Variants in SH3BGRL2 observed in about 807,000 individuals in gnomAD.
SH3BGRL2 encodes SH3 domain-binding glutamic acid-rich-like protein 2.
In SH3BGRL2, 21 loss-of-function variants were observed where a neutral mutation model predicts 14.8. The ratio of observed to expected loss-of-function variants is 1.42; its 90% confidence interval spans 1.01 to 2.05. The LOEUF (loss-of-function observed/expected upper bound fraction) is 2.05, where lower values mean the gene tolerates loss of function less well. Ranked by LOEUF, SH3BGRL2 falls within the 30% of genes most tolerant of loss-of-function variation. The pLI, the probability that SH3BGRL2 is intolerant of heterozygous loss-of-function variation, is 0.00. For missense variants in SH3BGRL2, 147 were observed against 130.8 expected (o/e 1.12, Z -0.61); for synonymous variants, 50 against 47.8 (o/e 1.05, Z -0.19).
chr6:79,606,499 C>A, the SH3BGRL2 span, among the ~76,000 whole-genome samples: 1 of 152,170 alleles, frequency 6.6e-6, no homozygotes, highest in South Asian at 2.1e-4. Flanking sequence ...ACACAGGTAC[C>A]TCACAGAAAA....
the SH3BGRL2 span, among the ~76,000 whole-genome samples, chr6:79,621,626 T>C: frequency 6.6e-6 from 1 of 152,200 alleles, no homozygotes; most frequent in Non-Finnish European, 1.5e-5. Context: ...ACCAAGCAAA[T>C]GATTGTGGCA....
At chr6:79,568,980 G>C in the SH3BGRL2 span, among the ~76,000 whole-genome samples, 2 of 152,176 alleles carry the variant, frequency 1.3e-5, no homozygotes, top group African/African-American at 4.8e-5. Flanking sequence ...CCAAATATGA[G>C]TAAGCATGGC....
chr6:79,555,731 A>G, the SH3BGRL2 span, among the ~76,000 whole-genome samples: 1 of 152,070 alleles, frequency 6.6e-6, no homozygotes, highest in Non-Finnish European at 1.5e-5. Context: ...GATGGTCTCG[A>G]TCTCCTGACC....
At chr6:79,567,156 C>G in the SH3BGRL2 span, among the ~76,000 whole-genome samples, 1 of 152,100 alleles carries the variant, frequency 6.6e-6, no homozygotes. Context: ...ATTCCTTAAT[C>G]TCTCCACACT....
chr6:79,681,016 G>A (rs905646124), intron 2 of SH3BGRL2, among the ~76,000 whole-genome samples: 6 of 151,984 alleles, frequency 3.9e-5, no homozygotes, highest in African/African-American at 1.5e-4. Flanking sequence ...TTGACTAGGG[G>A]CACATTAAAT....
upstream of SH3BGRL2, among the ~76,000 whole-genome samples, chr6:79,627,034 C>A (rs138115898): frequency 3.0e-4 from 45 of 152,244 alleles, no homozygotes; most frequent in Middle Eastern, 0.017. Flanking sequence ...CAGCTGTCAG[C>A]CTCCTTGTTA....
At chr6:79,674,513 T>C (rs1389525864) in intron 2 of SH3BGRL2, among the ~76,000 whole-genome samples, 2 of 152,210 alleles carry the variant, frequency 1.3e-5, no homozygotes, top group Non-Finnish European at 2.9e-5. Context: ...TCTCTAAGTA[T>C]CTAAGTCAGT....
At chr6:79,635,196 A>T (rs1034059111) in intron 1 of SH3BGRL2, among the ~76,000 whole-genome samples, 1 of 152,208 alleles carries the variant, frequency 6.6e-6, no homozygotes, top group Non-Finnish European at 1.5e-5. Context: ...ATTTCTCAAA[A>T]TGTAAATAAA....
the SH3BGRL2 span, among the ~76,000 whole-genome samples, chr6:79,547,896 C>T: frequency 4.3e-3 from 662 of 152,256 alleles, 9 homozygotes; most frequent in African/African-American, 0.015. Flanking sequence ...GACAGAGTCT[C>T]ACCCTGTTGC....
chr6:79,564,878 G>C, the SH3BGRL2 span, among the ~76,000 whole-genome samples: 15 of 152,196 alleles, frequency 9.9e-5, no homozygotes, highest in African/African-American at 3.6e-4. Context: ...TACATCTCCT[G>C]CTGCTTCTGG....
intron 2 of SH3BGRL2, among the ~76,000 whole-genome samples, chr6:79,693,153 CTGTT>C (rs1485238480): frequency 6.6e-6 from 1 of 152,100 alleles, no homozygotes; most frequent in Non-Finnish European, 1.5e-5. Flanking sequence ...ATTTGGCTCT[CTGTT>C]TGTCTATTAT....
At chr6:79,568,130 G>A in the SH3BGRL2 span, among the ~76,000 whole-genome samples, 5 of 152,228 alleles carry the variant, frequency 3.3e-5, no homozygotes, top group African/African-American at 4.8e-5. Context: ...GGGGTTAAAT[G>A]GTCCAACCCC....
the SH3BGRL2 span, among the ~76,000 whole-genome samples, chr6:79,615,849 T>TTA: frequency 6.9e-6 from 1 of 144,944 alleles, no homozygotes; most frequent in Non-Finnish European, 1.5e-5. Flanking sequence ...TTTTTTTTTT[T>TTA]AGACAAGAGT....
At chr6:79,588,286 G>A in the SH3BGRL2 span, among the ~76,000 whole-genome samples, 1 of 59,696 alleles carries the variant, frequency 1.7e-5, no homozygotes, top group South Asian at 9.0e-4. Flanking sequence ...ACAAGACTCT[G>A]TCTAAAAAAA....
chr6:79,631,552 G>C, intron 1 of SH3BGRL2, 46 bp downstream of exon 1: 5 of 1,356,604 alleles, frequency 3.7e-6, no homozygotes, highest in Non-Finnish European at 4.8e-6. Context: ...GCGGGGCGCG[G>C]GTCCTGCGGG....
Position 79,690,674 on chromosome 6 carries a change from C to T in SH3BGRL2, c.232-5811C>T, listed in dbSNP as rs73478213. Among the ~76,000 whole-genome samples, 58 of 152,302 alleles carry T rather than the reference C, an allele frequency of 3.8e-4. No homozygotes were observed. In the East Asian group the frequency reaches 7.4e-3, roughly 19 times the overall value. ...AGTGGTTTGCTGGACATCACATCCA[C>T]GGTTGACTAAACATATACACCACTC... On this transcript the variant is annotated intron_variant, in intron 2 of 3. Transcript: ENST00000369838.
chr6:79,581,283 A>G, the SH3BGRL2 span, among the ~76,000 whole-genome samples: 3 of 152,222 alleles, frequency 2.0e-5, no homozygotes, highest in Admixed American at 1.3e-4. Flanking sequence ...TCCCTAACTC[A>G]TTTTATGAGG....
At chr6:79,573,453 G>T in the SH3BGRL2 span, among the ~76,000 whole-genome samples, 1 of 152,164 alleles carries the variant, frequency 6.6e-6, no homozygotes, top group South Asian at 2.1e-4. Flanking sequence ...TTTTCTTCAA[G>T]AGTGACCTGG....
chr6:79,559,761 A>G, the SH3BGRL2 span, among the ~76,000 whole-genome samples: 1 of 152,350 alleles, frequency 6.6e-6, no homozygotes, highest in East Asian at 1.9e-4. Flanking sequence ...ACATGGAGAT[A>G]TTTAGGGGTA....
Sources: gnomAD v4.1 joint callset for allele counts (sites outside exome capture counted in the v4.1 genomes callset) on GRCh38, gnomAD v4.1.1 for gene constraint, MANE v1.5 for transcripts, NCBI Gene and HGNC (gene_info 2026-07-23, HGNC 2026-07-21) for gene names.